CCDC60: variants seen among roughly 807,000 people sequenced by gnomAD.
The protein encoded by CCDC60 is coiled-coil domain-containing protein 60.
Under a neutral mutation model 63.5 loss-of-function variants are expected in CCDC60, and 54 were observed. That is an observed-to-expected ratio of 0.85 (90% CI 0.68 to 1.07). The LOEUF is 1.07. CCDC60 is among the 50% of genes least tolerant of loss of function. CCDC60 has a pLI of 0.00. For synonymous variants in CCDC60, 206 were observed against 238.8 expected (o/e 0.86, Z 1.27); for missense variants, 651 against 684.3 (o/e 0.95, Z 0.54).
intron 1 of CCDC60, among the ~76,000 whole-genome samples, chr12:119,336,192 T>A (rs1204756107): frequency 6.6e-6 from 1 of 151,486 alleles, no homozygotes; most frequent in Non-Finnish European, 1.5e-5. Flanking sequence ...CATGTATACA[T>A]ATGTAACTAA....
chr12:119,406,545 C>G (rs1230381314), intron 1 of CCDC60, among the ~76,000 whole-genome samples: 1 of 152,156 alleles, frequency 6.6e-6, no homozygotes, highest in Non-Finnish European at 1.5e-5. Flanking sequence ...ATACTCCTCG[C>G]ATACATTGCA....
chr12:119,407,459 G>A lies in CCDC60; in HGVS notation c.91-21224G>A, dbSNP rs76786330. Among the ~76,000 whole-genome samples, 712 of 152,314 alleles carry A rather than the reference G, an allele frequency of 4.7e-3. 6 individuals carry two copies. Among genetic ancestry groups the A allele is most frequent in the Middle Eastern group, 6.8e-3 (2 of 294 alleles). On this transcript the variant is annotated intron_variant, in intron 1 of 13. Coordinates refer to ENST00000327554, the MANE Select transcript of CCDC60 (RefSeq NM_178499.5). ...AGGAAGGAGGATCACTTGAGCCCGAGAGTTCGAGACTGCAGCGAGCTATGA... is the reference window on the plus strand; with the variant it reads ...AGGAAGGAGGATCACTTGAGCCCGAAAGTTCGAGACTGCAGCGAGCTATGA...
intron 2 of CCDC60, among the ~76,000 whole-genome samples, chr12:119,455,166 T>C (rs1950702696): frequency 6.6e-6 from 1 of 152,212 alleles, no homozygotes; most frequent in South Asian, 2.1e-4. Context: ...AATCTAGGCA[T>C]ATTGATGCCC....
intron 10 of CCDC60, 59 bp downstream of exon 10, chr12:119,523,060 C>G: frequency 6.9e-7 from 1 of 1,441,488 alleles, no homozygotes; most frequent in East Asian, 2.3e-5. Context: ...ACCACACCCT[C>G]TATCTTCCCA....
chr12:119,335,797 A>G (rs1955464808), intron 1 of CCDC60, among the ~76,000 whole-genome samples: 1 of 151,168 alleles, frequency 6.6e-6, no homozygotes, highest in Non-Finnish European at 1.5e-5. Context: ...GAAGCTCTTT[A>G]GTTTAATTAG....
At chr12:119,482,083 C>CAT (rs143208719) in intron 4 of CCDC60, among the ~76,000 whole-genome samples, 28,282 of 136,792 alleles carry the variant, frequency 0.21, 3,076 homozygotes, top group Non-Finnish European at 0.26. Flanking sequence ...ACTACTCATC[C>CAT]ATATATATAT....
At chr12:119,529,585 AG>A (rs1455124496) in intron 12 of CCDC60, among the ~76,000 whole-genome samples, 5 of 152,202 alleles carry the variant, frequency 3.3e-5, no homozygotes, top group Non-Finnish European at 7.3e-5. Context: ...AATGTGAAAC[AG>A]GAACTTACAA....
At position 119,530,889 on chromosome 12, in the gene CCDC60, G is replaced by T. The variant is rs773032300; in HGVS notation, c.1377G>T (p.Leu459Phe). ...GGAATTGAAGGTACTTTGATCTGTT[G>T]TCCAAACTGCCAGAGGATCTAAAGA... ...EIADHWYFDLLSKLPEDLKNF... is the reference protein window; with the variant it reads ...EIADHWYFDLFSKLPEDLKNF... The change falls in exon 13 of 14, where the codon TTG (leucine) becomes TTT (phenylalanine). Residue 459 changes from leucine (L) to phenylalanine (F), a missense_variant. Leu to Phe is a conservative substitution (Grantham distance 22). Coordinates refer to ENST00000327554, the MANE Select transcript of CCDC60 (RefSeq NM_178499.5). 2.5e-6 allele frequency: 4 copies of T among 1,613,698 alleles called. No homozygotes were observed. The highest frequency in any genetic ancestry group is 3.4e-6 in the Non-Finnish European group (4 of 1,179,860).
chr12:119,519,993 G>C (rs901408006), intron 8 of CCDC60, 128 bp from the exon 9 acceptor site: 7 of 775,164 alleles, frequency 9.0e-6, no homozygotes, highest in Non-Finnish European at 1.5e-5. Context: ...CTCCAGGTGA[G>C]TGCTGTGCTC....
chr12:119,479,254 C>A, intron 4 of CCDC60, 53 bp downstream of exon 4: 1 of 1,309,706 alleles, frequency 7.6e-7, no homozygotes, highest in Non-Finnish European at 1.1e-6. Flanking sequence ...AAATTGAAGC[C>A]GAACTGAAAT....
intron 2 of CCDC60, among the ~76,000 whole-genome samples, chr12:119,442,024 A>G (rs1476384405): frequency 6.6e-6 from 1 of 152,226 alleles, no homozygotes; most frequent in Non-Finnish European, 1.5e-5. Context: ...AATCTAGAAA[A>G]GCTAGAAAAT....
chr12:119,434,603 A>C (rs1484261503), intron 2 of CCDC60, among the ~76,000 whole-genome samples: 1 of 152,232 alleles, frequency 6.6e-6, no homozygotes, highest in African/African-American at 2.4e-5. Flanking sequence ...GCCATCAGAC[A>C]AGAGTTGTTT....
intron 1 of CCDC60, among the ~76,000 whole-genome samples, chr12:119,390,553 G>A (rs1469639700): frequency 6.6e-6 from 1 of 152,246 alleles, no homozygotes; most frequent in Non-Finnish European, 1.5e-5. Flanking sequence ...ATGAATGAAT[G>A]TGGATGGACC....
chr12:119,517,911 C>T (rs1188431595), intron 8 of CCDC60, among the ~76,000 whole-genome samples: 2 of 152,186 alleles, frequency 1.3e-5, no homozygotes, highest in Admixed American at 1.3e-4. Flanking sequence ...GCTCCCTTCC[C>T]AGGTGTGGAT....
intron 1 of CCDC60, among the ~76,000 whole-genome samples, chr12:119,352,243 T>TGGA (rs1565966668): frequency 6.6e-6 from 1 of 152,234 alleles, no homozygotes; most frequent in East Asian, 1.9e-4. Flanking sequence ...TCCAGTCGCC[T>TGGA]TCTACCAGAC....
chr12:119,372,469 T>C (rs1955907250), intron 1 of CCDC60, among the ~76,000 whole-genome samples: 3 of 152,118 alleles, frequency 2.0e-5, no homozygotes, highest in African/African-American at 4.8e-5. Context: ...CACCCTCCCA[T>C]AGCGTGGCTT....
At chr12:119,337,853 TG>T (rs1955489953) in intron 1 of CCDC60, among the ~76,000 whole-genome samples, 1 of 151,822 alleles carries the variant, frequency 6.6e-6, no homozygotes, top group Non-Finnish European at 1.5e-5. Flanking sequence ...TGTGTGTGTG[TG>T]TGTGTGTGTG....
At chr12:119,500,697 T>A (rs1314952099) in intron 6 of CCDC60, among the ~76,000 whole-genome samples, 1 of 151,906 alleles carries the variant, frequency 6.6e-6, no homozygotes, top group Non-Finnish European at 1.5e-5. Flanking sequence ...TCACAAAAAA[T>A]TTAAAAATTA....
intron 1 of CCDC60, among the ~76,000 whole-genome samples, chr12:119,418,195 T>A (rs747451406): frequency 7.9e-5 from 12 of 152,042 alleles, no homozygotes; most frequent in Non-Finnish European, 1.3e-4. Flanking sequence ...ACTATATATA[T>A]AATATGTGTG....
Sources: gnomAD v4.1 joint callset for allele counts (sites outside exome capture counted in the v4.1 genomes callset) on GRCh38, gnomAD v4.1.1 for gene constraint, MANE v1.5 for transcripts, NCBI Gene and HGNC (gene_info 2026-07-23, HGNC 2026-07-21) for gene names.